The following MTMR1 variants were observed in gnomAD, a reference collection of about 807,000 sequenced individuals.
MTMR1 encodes the protein myotubularin related protein 1.
MTMR1 carries 17 observed loss-of-function variants against 51.6 expected under a neutral mutation model. That is an observed-to-expected ratio of 0.33 (90% CI 0.23 to 0.49). The LOEUF (loss-of-function observed/expected upper bound fraction) is 0.49, where lower values mean the gene tolerates loss of function less well. MTMR1 is among the 20% of genes least tolerant of loss of function. MTMR1 has a pLI of 0.99. For missense variants in MTMR1, 386 were observed against 526.9 expected, an observed-to-expected ratio of 0.73 and a Z score of 2.62; for synonymous variants, 201 against 205.6, an observed-to-expected ratio of 0.98 and a Z score of 0.19.
intron 1 of MTMR1, 38 bp downstream of exon 1, chrX:150,693,714 C>A (rs1603221124): frequency 1.3e-6 from 1 of 750,514 alleles, no homozygotes; most frequent in African/African-American, 2.3e-5. Context: ...TCCCGCGCCC[C>A]GACTCCCGAG....
intron 14 of MTMR1, among the ~76,000 whole-genome samples, chrX:150,752,898 T>C (rs2042794481): frequency 9.0e-6 from 1 of 110,881 alleles, no homozygotes; most frequent in African/African-American, 3.3e-5. Context: ...CGCCTCGGCC[T>C]CCCAAAGTGC....
At position 150,744,377 on chromosome X, in the gene MTMR1, A is replaced by G; in HGVS notation, c.1490A>G (p.Asn497Ser). 8.3e-7 allele frequency: 1 copy of G among 1,209,543 alleles called. No individual in the cohort carries two copies. Among genetic ancestry groups the G allele is most frequent in the Non-Finnish European group, 1.1e-6 (1 of 893,576 alleles). ...TCTGTTCAGCGAGTGGGCCATGGTA[A>G]TGACAACCATGCGGATGCTGACCGA... is the stretch of plus-strand genomic sequence containing the variant. ...HRFALRVGHG[N>S]DNHADADRSP... Residue 497 changes from asparagine (N) to serine (S), a missense_variant, in exon 13 of 16, where the codon AAT (asparagine) becomes AGT (serine). Coordinates refer to ENST00000445323, the MANE Select transcript of MTMR1 (RefSeq NM_001306144.3).
intron 15 of MTMR1, among the ~76,000 whole-genome samples, chrX:150,760,910 G>C (rs1161467918): frequency 5.7e-4 from 55 of 96,136 alleles, no homozygotes; most frequent in African/African-American, 1.8e-3. Context: ...CTGGGGGAGA[G>C]AGTGAGACTG....
intron 14 of MTMR1, among the ~76,000 whole-genome samples, chrX:150,751,986 A>G (rs1557417617): frequency 1.1e-5 from 1 of 90,545 alleles, no homozygotes; most frequent in South Asian, 5.3e-4. Context: ...GCGCCATCTC[A>G]GCTCACTGCA....
intron 2 of MTMR1, among the ~76,000 whole-genome samples, chrX:150,708,747 A>C (rs782234442): frequency 9.0e-6 from 1 of 110,955 alleles, no homozygotes; most frequent in Non-Finnish European, 1.9e-5. Flanking sequence ...CAACTGAAAA[A>C]GGTTACTTAT....
chrX:150,755,766 G>A lies in MTMR1; in HGVS notation c.1758G>A (p.Val586=), dbSNP rs2042888750. The A allele has an allele frequency of 2.5e-6, 3 of 1,205,316 alleles. No homozygotes were observed. In the East Asian group the frequency reaches 8.9e-5, roughly 36 times the overall value. The change falls in exon 15 of 16, where the codon GTG becomes GTA. Residue 586 remains valine (V), a synonymous_variant. Transcript: ENST00000445323. ...QLDEFSNPFF[V]NYENHVLYPV... ...ACGAGTTTTCTAATCCCTTCTTTGTGAATTATGAAAACCACGTGTTATATC... is the reference window on the plus strand; with the variant it reads ...ACGAGTTTTCTAATCCCTTCTTTGTAAATTATGAAAACCACGTGTTATATC...
At position 150,730,054 on chromosome X, in the gene MTMR1, GCTTATA is replaced by G. The variant is rs1294656981; in HGVS notation, c.556-54_556-49del. 7.7e-6 allele frequency: 6 copies of G among 783,062 alleles called. No individual in the cohort carries two copies. In the Admixed American group the frequency reaches 1.8e-4, roughly 24 times the overall value. The allele number at this position is 783,062 out of a possible 1,213,427, so 64.5% of individuals were successfully genotyped here. ...TTCCTTATTTATGGCACGGTATCTG[GCTTATA>G]GGTGCCTGATGTATGTTGAATAACC... On this transcript the variant is annotated intron_variant, in intron 6 of 15. Coordinates refer to ENST00000445323, the MANE Select transcript of MTMR1 (RefSeq NM_001306144.3).
intron 3 of MTMR1, chrX:150,714,635 A>G (rs1262642479): frequency 1.8e-6 from 1 of 545,322 alleles, no homozygotes; most frequent in Non-Finnish European, 2.6e-6. Flanking sequence ...AGATGCCTCT[A>G]CCACAATAGT....
At chrX:150,693,348 C>A, upstream of MTMR1, 1 of 585,329 alleles carries the variant, frequency 1.7e-6, no homozygotes, top group Non-Finnish European at 2.1e-6. Flanking sequence ...GCTCCCGCCC[C>A]CCGACCCCCG....
intron 15 of MTMR1, among the ~76,000 whole-genome samples, chrX:150,756,564 C>A (rs1247035518): frequency 8.9e-6 from 1 of 112,113 alleles, no homozygotes; most frequent in African/African-American, 3.2e-5. Flanking sequence ...GTGGCCAGGG[C>A]ATGGTTGGTT....
chrX:150,761,703 C>T (rs781907612), intron 15 of MTMR1, among the ~76,000 whole-genome samples: 9 of 112,192 alleles, frequency 8.0e-5, no homozygotes, highest in Non-Finnish European at 1.5e-4. Context: ...TCCCTCAGCC[C>T]AGTCGGTGAC....
intron 12 of MTMR1, among the ~76,000 whole-genome samples, chrX:150,742,496 G>C (rs1557417340): frequency 9.0e-6 from 1 of 111,563 alleles, no homozygotes; most frequent in Non-Finnish European, 1.9e-5. Context: ...ATTCTGGCAT[G>C]TGCTATAACA....
At chrX:150,750,188 G>T (rs2042687107) in intron 13 of MTMR1, among the ~76,000 whole-genome samples, 1 of 111,819 alleles carries the variant, frequency 8.9e-6, no homozygotes, top group Non-Finnish European at 1.9e-5. Context: ...TCTTAACTAG[G>T]AGTTGTTTAT....
intron 13 of MTMR1, among the ~76,000 whole-genome samples, chrX:150,749,097 G>T (rs1313257568): frequency 1.8e-5 from 2 of 112,390 alleles, no homozygotes; most frequent in Non-Finnish European, 3.8e-5. Context: ...AGAGTTGTGT[G>T]TTTCTGAGAG....
At chrX:150,751,972 A>G (rs1459611576) in intron 14 of MTMR1, among the ~76,000 whole-genome samples, 1 of 87,045 alleles carries the variant, frequency 1.1e-5, no homozygotes, top group Non-Finnish European at 2.1e-5. Context: ...GATGTAGTGC[A>G]GTGGCGCCAT....
chrX:150,743,402 AAAAAAT>A (rs1157668191), intron 12 of MTMR1, among the ~76,000 whole-genome samples: 13 of 111,986 alleles, frequency 1.2e-4, no homozygotes, highest in African/African-American at 3.9e-4. Flanking sequence ...CCCTGTCTCT[AAAAAAT>A]AAAAATAAAA....
chrX:150,707,233 G>A (rs180830197), intron 2 of MTMR1, among the ~76,000 whole-genome samples: 3,440 of 111,646 alleles, frequency 0.031, 134 homozygotes, highest in African/African-American at 0.11. Flanking sequence ...ATCCATAAAA[G>A]GAAAAAATTG....
chrX:150,759,296 C>A (rs1557417871), intron 15 of MTMR1, among the ~76,000 whole-genome samples: 1 of 112,270 alleles, frequency 8.9e-6, no homozygotes, highest in African/African-American at 3.2e-5. Context: ...GCTTCTATTT[C>A]ATCTATTTTG....
intron 1 of MTMR1, among the ~76,000 whole-genome samples, chrX:150,695,431 G>T (rs2040636794): frequency 8.9e-6 from 1 of 112,203 alleles, no homozygotes; most frequent in Non-Finnish European, 1.9e-5. Flanking sequence ...GTGAGATGGT[G>T]GTCCAGAGTG....
Sources: gnomAD v4.1 joint callset for allele counts (sites outside exome capture counted in the v4.1 genomes callset) on GRCh38, gnomAD v4.1.1 for gene constraint, MANE v1.5 for transcripts, NCBI Gene and HGNC (gene_info 2026-07-23, HGNC 2026-07-21) for gene names.